Variants in PTPRK observed in about 807,000 individuals in gnomAD.
PTPRK encodes receptor-type tyrosine-protein phosphatase kappa.
A neutral mutation model predicts 178.0 loss-of-function variants in PTPRK; 75 were observed. The observed-to-expected ratio is 0.42, with a 90% confidence interval of 0.35 to 0.51. PTPRK has a LOEUF of 0.51. Ranked by LOEUF, PTPRK falls within the 20% of genes least tolerant of loss-of-function variation. The probability of loss-of-function intolerance (pLI) is 0.02; values close to 1 mark genes in which losing one functional copy is unlikely to be tolerated. For missense variants in PTPRK, 1,441 were observed against 1,797.8 expected, an observed-to-expected ratio of 0.80 and a Z score of 3.59; for synonymous variants, 637 against 620.6, an observed-to-expected ratio of 1.03 and a Z score of -0.39.
At chr6:128,229,715 T>C (rs1214616724) in intron 5 of PTPRK, among the ~76,000 whole-genome samples, 1 of 152,098 alleles carries the variant, frequency 6.6e-6, no homozygotes, top group Non-Finnish European at 1.5e-5. Flanking sequence ...TAAGATTTAA[T>C]AGAAATAATA....
chr6:128,187,548 T>G lies in PTPRK; in HGVS notation c.869-2823A>C, dbSNP rs149494011. Among the ~76,000 whole-genome samples the G allele has an allele frequency of 3.9e-5, 6 of 152,352 alleles. No individual in the cohort carries two copies. The East Asian group carries it at 1.2e-3, about 29-fold the overall frequency. On this transcript the variant is annotated intron_variant, in intron 6 of 29. Transcript: ENST00000368226. Reference sequence around the variant, plus strand: ...CCCTGTGTGATGCTAGGTTGCTTTGTTCTGTTTTGCCATATAGCATATACA... The same window carrying G: ...CCCTGTGTGATGCTAGGTTGCTTTGGTCTGTTTTGCCATATAGCATATACA...
chr6:128,484,392 G>A (rs2128425585), intron 1 of PTPRK, among the ~76,000 whole-genome samples: 1 of 152,198 alleles, frequency 6.6e-6, no homozygotes. Context: ...CATAATGCTT[G>A]CTACAGGTTA....
chr6:128,168,640 A>T (rs775162733), intron 7 of PTPRK, among the ~76,000 whole-genome samples: 13 of 152,038 alleles, frequency 8.6e-5, no homozygotes, highest in Non-Finnish European at 1.6e-4. Context: ...AATGTTTTAA[A>T]TAGGTTGTGT....
chr6:128,507,935 AC>A (rs1856607708), intron 1 of PTPRK, among the ~76,000 whole-genome samples: 1 of 152,136 alleles, frequency 6.6e-6, no homozygotes, highest in African/African-American at 2.4e-5. Context: ...GCGGAATTTT[AC>A]TATCATTGTG....
chr6:128,002,320 G>T (rs1292519115), intron 15 of PTPRK, among the ~76,000 whole-genome samples: 1 of 151,598 alleles, frequency 6.6e-6, no homozygotes, highest in African/African-American at 2.4e-5. Context: ...TAACAAACAT[G>T]ACATTTGGGA....
chr6:128,296,627 C>A (rs1240935911), intron 3 of PTPRK, among the ~76,000 whole-genome samples: 1 of 152,034 alleles, frequency 6.6e-6, no homozygotes, highest in Non-Finnish European at 1.5e-5. Flanking sequence ...CCAAACTAAG[C>A]TTCATAAGTG....
intron 7 of PTPRK, among the ~76,000 whole-genome samples, chr6:128,128,142 A>T (rs564842850): frequency 6.6e-6 from 1 of 152,304 alleles, no homozygotes; most frequent in South Asian, 2.1e-4. Context: ...AAATTTTATA[A>T]AGTTTTAAGA....
chr6:128,080,034 C>A (rs1194542695), intron 10 of PTPRK, among the ~76,000 whole-genome samples: 1 of 146,500 alleles, frequency 6.8e-6, no homozygotes, highest in Non-Finnish European at 1.5e-5. Context: ...GGGGGTCACA[C>A]TTTTTTCATT....
chr6:128,480,533 T>C (rs1427771360), intron 1 of PTPRK, among the ~76,000 whole-genome samples: 2 of 152,194 alleles, frequency 1.3e-5, no homozygotes, highest in Non-Finnish European at 2.9e-5. Context: ...CTCATGTCCT[T>C]ATTCCTCACA....
chr6:128,039,765 C>T (rs1222707038), intron 13 of PTPRK, among the ~76,000 whole-genome samples: 1 of 152,156 alleles, frequency 6.6e-6, no homozygotes, highest in African/African-American at 2.4e-5. Context: ...GCCTGCTCTG[C>T]ATAGTAACTG....
chr6:128,117,751 C>T, intron 7 of PTPRK, among the ~76,000 whole-genome samples: 1 of 152,056 alleles, frequency 6.6e-6, no homozygotes, highest in Non-Finnish European at 1.5e-5. Flanking sequence ...CTTCTGGGTT[C>T]AAGTGATTCT....
chr6:128,231,953 T>C (rs1812372149), intron 5 of PTPRK: 1 of 152,252 alleles, frequency 6.6e-6, no homozygotes, highest in South Asian at 2.1e-4. Context: ...TTGCTACTCA[T>C]GGATCTTCCA....
chr6:128,319,739 T>C (rs1400682118), intron 3 of PTPRK, among the ~76,000 whole-genome samples: 3 of 152,112 alleles, frequency 2.0e-5, no homozygotes, highest in Non-Finnish European at 4.4e-5. Context: ...GCTATCAAAA[T>C]GTATGGGAGA....
chr6:128,498,172 C>A (rs894899433), intron 1 of PTPRK, among the ~76,000 whole-genome samples: 1 of 152,166 alleles, frequency 6.6e-6, no homozygotes, highest in Non-Finnish European at 1.5e-5. Context: ...CAAATCACAG[C>A]CTAGCTTCCA....
intron 7 of PTPRK, among the ~76,000 whole-genome samples, chr6:128,109,082 T>TA (rs929116205): frequency 7.9e-5 from 12 of 151,946 alleles, no homozygotes; most frequent in African/African-American, 2.4e-4. Flanking sequence ...CAAGAACATT[T>TA]AAAAAAAACT....
chr6:128,209,678 T>C (rs1807715124), intron 6 of PTPRK, among the ~76,000 whole-genome samples: 2 of 151,964 alleles, frequency 1.3e-5, no homozygotes, highest in Non-Finnish European at 2.9e-5. Flanking sequence ...CAATCATGAG[T>C]GAGCAAAAGG....
At chr6:128,312,219 T>C (rs1317494247) in intron 3 of PTPRK, among the ~76,000 whole-genome samples, 1 of 152,214 alleles carries the variant, frequency 6.6e-6, no homozygotes, top group Admixed American at 6.5e-5. Flanking sequence ...TTGACCTACA[T>C]GCAAATAAGA....
chr6:128,071,769 CA>C (rs1782869222), intron 11 of PTPRK, among the ~76,000 whole-genome samples: 1 of 151,810 alleles, frequency 6.6e-6, no homozygotes. Flanking sequence ...TAGTGAAAAA[CA>C]GCTATAAAAA....
chr6:128,520,488 CT>C lies in PTPRK; in HGVS notation c.-131del. On this transcript the variant is annotated 5_prime_UTR_variant, in exon 1 of 30. Coordinates refer to ENST00000368226, the MANE Select transcript of PTPRK (RefSeq NM_002844.4). ...GTGAGAGGACAGCCGCCCGCCCGCC[CT>C]TTTTCCTTCTTCGCGGTCGCCAAAC... 3.7e-6 allele frequency: 3 copies of C among 808,502 alleles called. No homozygotes were observed. Among genetic ancestry groups the C allele is most frequent in the Non-Finnish European group, 5.9e-6 (3 of 506,946 alleles). 50.1% of individuals were successfully genotyped at this position (808,502 alleles called of 1,614,324 possible).
Sources: gnomAD v4.1 joint callset for allele counts (sites outside exome capture counted in the v4.1 genomes callset) on GRCh38, gnomAD v4.1.1 for gene constraint, MANE v1.5 for transcripts, NCBI Gene and HGNC (gene_info 2026-07-23, HGNC 2026-07-21) for gene names.